NBEA: variants seen among roughly 807,000 people sequenced by gnomAD.
NBEA encodes the protein neurobeachin.
In NBEA, 44 loss-of-function variants were observed where a neutral mutation model predicts 343.4. The observed-to-expected ratio is 0.13, with a 90% CI of 0.10 to 0.16. NBEA has a LOEUF of 0.16. Among genes scored for constraint, NBEA ranks in the 10% least tolerant of loss-of-function variants. NBEA has a pLI of 1.00. For synonymous variants in NBEA, 1,175 were observed against 1,238.7 expected (o/e 0.95, Z 1.08); for missense variants, 2,555 against 3,631.3 (o/e 0.70, Z 7.62).
At chr13:35,478,174 A>G (rs1476790835) in intron 41 of NBEA, among the ~76,000 whole-genome samples, 1 of 152,196 alleles carries the variant, frequency 6.6e-6, no homozygotes, top group African/African-American at 2.4e-5. Context: ...TGTTTTGCAC[A>G]GGCACAGCAT....
At chr13:35,581,342 C>A (rs1011990987) in intron 45 of NBEA, among the ~76,000 whole-genome samples, 4 of 151,698 alleles carry the variant, frequency 2.6e-5, no homozygotes, top group African/African-American at 7.3e-5. Context: ...TATCTCATTG[C>A]GGTTTTGATT....
chr13:34,952,677 T>G (rs1215344727), intron 1 of NBEA, among the ~76,000 whole-genome samples: 1 of 152,166 alleles, frequency 6.6e-6, no homozygotes, highest in Non-Finnish European at 1.5e-5. Flanking sequence ...TGATTTCTCT[T>G]TCAGTTTATG....
intron 27 of NBEA, among the ~76,000 whole-genome samples, chr13:35,175,825 A>G (rs994139063): frequency 1.3e-4 from 20 of 152,144 alleles, no homozygotes; most frequent in African/African-American, 4.6e-4. Flanking sequence ...AGTTTCTTGC[A>G]TGAATCCCAT....
At chr13:35,400,196 T>TA (rs71081251) in intron 38 of NBEA, among the ~76,000 whole-genome samples, 3,438 of 78,168 alleles carry the variant, frequency 0.044, 204 homozygotes, top group African/African-American at 0.05. Flanking sequence ...CTTCAATTTG[T>TA]AAAAAAAAAA....
chr13:35,118,131 A>C, intron 14 of NBEA, 97 bp from the exon 15 acceptor site: 1 of 771,456 alleles, frequency 1.3e-6, no homozygotes, highest in Non-Finnish European at 2.0e-6. Context: ...ACATTAAACT[A>C]ACTCTTATTT....
intron 1 of NBEA, among the ~76,000 whole-genome samples, chr13:34,988,010 T>A (rs2060618564): frequency 6.6e-6 from 1 of 151,294 alleles, no homozygotes; most frequent in East Asian, 1.9e-4. Context: ...CTCGTCAAAG[T>A]CATTCTCCAT....
chr13:35,354,887 A>G (rs1170127381), intron 38 of NBEA, among the ~76,000 whole-genome samples: 4 of 152,152 alleles, frequency 2.6e-5, no homozygotes, highest in Non-Finnish European at 5.9e-5. Context: ...CCCACTTGGT[A>G]TCTTCTAATT....
At chr13:35,020,857 G>A (rs1265709537) in intron 1 of NBEA, among the ~76,000 whole-genome samples, 1 of 151,974 alleles carries the variant, frequency 6.6e-6, no homozygotes, top group Non-Finnish European at 1.5e-5. Context: ...TTTTTATATG[G>A]GGGGAGGTGT....
intron 1 of NBEA, among the ~76,000 whole-genome samples, chr13:35,019,847 A>G: frequency 6.6e-6 from 1 of 152,160 alleles, no homozygotes; most frequent in Non-Finnish European, 1.5e-5. Flanking sequence ...ATCTATAGTC[A>G]TGACTTTTAT....
chr13:35,475,937 C>A (rs754050062), intron 41 of NBEA: 1 of 1,614,144 alleles, frequency 6.2e-7, no homozygotes, highest in Non-Finnish European at 8.5e-7. Context: ...GGGGAGATGA[C>A]CTCGAGGCCC....
intron 47 of NBEA, among the ~76,000 whole-genome samples, chr13:35,595,322 A>G (rs1285362271): frequency 1.3e-5 from 2 of 152,050 alleles, no homozygotes; most frequent in Non-Finnish European, 2.9e-5. Flanking sequence ...AAGCAGCTGT[A>G]CTGAACACAA....
At chr13:35,216,655 T>C (rs971427126) in intron 33 of NBEA, among the ~76,000 whole-genome samples, 1 of 152,026 alleles carries the variant, frequency 6.6e-6, no homozygotes, top group Non-Finnish European at 1.5e-5. Context: ...TCATACACTT[T>C]ACAGAGGTGC....
At chr13:35,168,175 C>G (rs1030347880) in intron 24 of NBEA, among the ~76,000 whole-genome samples, 4 of 151,510 alleles carry the variant, frequency 2.6e-5, no homozygotes, top group African/African-American at 7.2e-5. Context: ...TCTCAGGATG[C>G]TTTTATATGT....
At chr13:35,360,938 C>T (rs1329330825) in intron 38 of NBEA, among the ~76,000 whole-genome samples, 1 of 151,844 alleles carries the variant, frequency 6.6e-6, no homozygotes, top group Non-Finnish European at 1.5e-5. Flanking sequence ...ACATTATTTA[C>T]AGAAAAAATG....
chr13:34,977,449 C>T (rs1187060822), intron 1 of NBEA, among the ~76,000 whole-genome samples: 4 of 151,790 alleles, frequency 2.6e-5, no homozygotes, highest in Non-Finnish European at 5.9e-5. Context: ...GCTGGGACTA[C>T]AGTCATGTGC....
At chr13:35,266,630 AAGTT>A (rs2033708158) in intron 34 of NBEA, among the ~76,000 whole-genome samples, 1 of 151,808 alleles carries the variant, frequency 6.6e-6, no homozygotes, top group African/African-American at 2.4e-5. Flanking sequence ...GGAATATAAA[AAGTT>A]AGACTCATAG....
chr13:35,001,440 A>C (rs1307525035), intron 1 of NBEA, among the ~76,000 whole-genome samples: 1 of 152,222 alleles, frequency 6.6e-6, no homozygotes, highest in Non-Finnish European at 1.5e-5. Flanking sequence ...TCAGCAGATG[A>C]ATGGATAAAG....
chr13:35,081,583 G>A (rs910045052), intron 10 of NBEA, among the ~76,000 whole-genome samples: 1 of 151,464 alleles, frequency 6.6e-6, no homozygotes, highest in Non-Finnish European at 1.5e-5. Flanking sequence ...TGGCAGGAAT[G>A]ACAATATGTG....
At chr13:34,993,081 A>G (rs923971394) in intron 1 of NBEA, among the ~76,000 whole-genome samples, 4 of 151,738 alleles carry the variant, frequency 2.6e-5, no homozygotes, top group Non-Finnish European at 5.9e-5. Flanking sequence ...TCCTCTCTCC[A>G]CTTTGCTATC....
Sources: allele counts gnomAD v4.1 joint callset (sites outside exome capture counted in the v4.1 genomes callset), GRCh38; gene constraint gnomAD v4.1.1; transcripts MANE v1.5; gene names NCBI Gene and HGNC (gene_info 2026-07-23, HGNC 2026-07-21).